Variants in SLCO3A1 observed in about 807,000 individuals in gnomAD.
The protein encoded by SLCO3A1 is solute carrier organic anion transporter family member 3A1, also known as PGE1 transporter.
Under a neutral mutation model 63.1 loss-of-function variants are expected in SLCO3A1, and 27 were observed. The observed-to-expected ratio is 0.43, with a 90% confidence interval of 0.32 to 0.59. The LOEUF (loss-of-function observed/expected upper bound fraction) is 0.59, where lower values mean the gene tolerates loss of function less well. Ranked by LOEUF, SLCO3A1 falls within the 20% of genes least tolerant of loss-of-function variation. SLCO3A1 has a pLI of 0.09. For missense variants in SLCO3A1, 773 were observed against 945.8 expected (o/e 0.82, Z 2.40); for synonymous variants, 473 against 409.9 (o/e 1.15, Z -1.86).
intron 2 of SLCO3A1, among the ~76,000 whole-genome samples, chr15:91,934,477 G>A (rs900819513): frequency 1.8e-4 from 27 of 152,174 alleles, no homozygotes; most frequent in African/African-American, 5.8e-4. Context: ...AGGGAAAAGC[G>A]GGTGCCCCAT....
chr15:91,974,262 A>ATTGTTGTTG lies in SLCO3A1; in HGVS notation c.646+57809_646+57810insGTTGTTGTT, dbSNP rs201243284. Among the ~76,000 whole-genome samples the ATTGTTGTTG allele has an allele frequency of 4.1e-3, 582 of 142,378 alleles. 13 individuals carry two copies. The highest frequency in any genetic ancestry group is 9.3e-3 in the Admixed American group (128 of 13,690). The allele number at this position is 142,378 out of a possible 152,430, so 93.4% of individuals were successfully genotyped here. On this transcript the variant is annotated intron_variant, in intron 2 of 9. Transcript: ENST00000318445. ...GACCTAAACGGACACCATTTTCATT[A>ATTGTTGTTG]TTGTTATTATTATTATTATTATTAT... is the stretch of plus-strand genomic sequence containing the variant.
chr15:92,119,406 A>G (rs1195450066), intron 4 of SLCO3A1, among the ~76,000 whole-genome samples: 4 of 152,374 alleles, frequency 2.6e-5, no homozygotes, highest in East Asian at 1.9e-4. Flanking sequence ...AAAGTGGTGC[A>G]TGAACCTCAG....
At chr15:92,152,734 A>G (rs1439302615) in intron 9 of SLCO3A1, among the ~76,000 whole-genome samples, 1 of 152,228 alleles carries the variant, frequency 6.6e-6, no homozygotes, top group Non-Finnish European at 1.5e-5. Context: ...GCCATTCCAC[A>G]TATGCATTTG....
At chr15:92,000,676 A>G (rs185268993) in intron 2 of SLCO3A1, among the ~76,000 whole-genome samples, 25 of 152,360 alleles carry the variant, frequency 1.6e-4, no homozygotes, top group Admixed American at 1.6e-3. Flanking sequence ...TGTGTTTAAA[A>G]GGCTTCGTTG....
At chr15:92,062,814 T>C (rs2151507684) in intron 2 of SLCO3A1, among the ~76,000 whole-genome samples, 1 of 152,314 alleles carries the variant, frequency 6.6e-6, no homozygotes, top group South Asian at 2.1e-4. Context: ...CATTAAGGCT[T>C]TCCCTGGAAA....
At chr15:92,107,405 A>C (rs2047679277) in intron 4 of SLCO3A1, among the ~76,000 whole-genome samples, 1 of 152,114 alleles carries the variant, frequency 6.6e-6, no homozygotes. Context: ...CATGCGAGAC[A>C]CATGTTTTTG....
At chr15:92,125,443 A>G (rs555647784) in intron 5 of SLCO3A1, among the ~76,000 whole-genome samples, 1 of 152,302 alleles carries the variant, frequency 6.6e-6, no homozygotes, top group South Asian at 2.1e-4. Context: ...GAGAGAAAGG[A>G]AAAAATATAT....
intron 9 of SLCO3A1, among the ~76,000 whole-genome samples, chr15:92,153,210 C>G (rs958338239): frequency 6.6e-6 from 1 of 151,418 alleles, no homozygotes; most frequent in African/African-American, 2.4e-5. Flanking sequence ...TGGCCCAGTA[C>G]GCACATGCCT....
intron 1 of SLCO3A1, among the ~76,000 whole-genome samples, chr15:91,866,893 T>A (rs1421338557): frequency 6.6e-6 from 1 of 152,110 alleles, no homozygotes; most frequent in East Asian, 1.9e-4. Context: ...GAGATGGGCC[T>A]GGGTAGACTG....
chr15:91,955,993 C>G (rs1266405614), intron 2 of SLCO3A1, among the ~76,000 whole-genome samples: 1 of 152,134 alleles, frequency 6.6e-6, no homozygotes, highest in Admixed American at 6.5e-5. Context: ...GCAAAAGCCT[C>G]TTGGGATGTG....
chr15:91,873,330 G>A (rs28624137), intron 1 of SLCO3A1, among the ~76,000 whole-genome samples: 67,289 of 151,916 alleles, frequency 0.44, 16,782 homozygotes, highest in African/African-American at 0.69. Flanking sequence ...CAGTTTCAGT[G>A]TTGTGGGATT....
At chr15:92,140,754 G>C (rs1178823559) in intron 7 of SLCO3A1, among the ~76,000 whole-genome samples, 1 of 152,084 alleles carries the variant, frequency 6.6e-6, no homozygotes, top group Non-Finnish European at 1.5e-5. Flanking sequence ...TGTCTCTTTT[G>C]ATCATTGTTG....
At chr15:92,156,324 C>G (rs2238346) in intron 9 of SLCO3A1, among the ~76,000 whole-genome samples, 3 of 152,108 alleles carry the variant, frequency 2.0e-5, no homozygotes, top group Admixed American at 6.5e-5. Flanking sequence ...ATATGTTAGG[C>G]GCCAGCCATG....
At position 92,104,265 on chromosome 15, in the gene SLCO3A1, C is replaced by T; in HGVS notation, c.746-14C>T. 3.7e-6 allele frequency: 6 copies of T among 1,613,880 alleles called. No individual in the cohort carries two copies. The highest frequency in any genetic ancestry group is 5.1e-6 in the Non-Finnish European group (6 of 1,179,952). ...CTTCTTTTCTCCACTAAGCTGTGCT[C>T]TTTCCATTTACAGGTAACCTGGACA... On this transcript the variant is annotated splice_polypyrimidine_tract_variant and intron_variant, in intron 3 of 9. Coordinates refer to ENST00000318445, the MANE Select transcript of SLCO3A1 (RefSeq NM_013272.4).
At chr15:92,019,219 G>T (rs2046476603) in intron 2 of SLCO3A1, among the ~76,000 whole-genome samples, 1 of 152,154 alleles carries the variant, frequency 6.6e-6, no homozygotes, top group Non-Finnish European at 1.5e-5. Flanking sequence ...CAAACTATCT[G>T]CCTGACTCTT....
At chr15:91,874,804 A>G (rs768456343) in intron 1 of SLCO3A1, among the ~76,000 whole-genome samples, 7 of 152,206 alleles carry the variant, frequency 4.6e-5, no homozygotes, top group Non-Finnish European at 1.0e-4. Context: ...CATCTTCTGT[A>G]ATGTTTCGTA....
At chr15:92,087,325 AT>A (rs2047417688) in intron 2 of SLCO3A1, among the ~76,000 whole-genome samples, 1 of 151,984 alleles carries the variant, frequency 6.6e-6, no homozygotes, top group Non-Finnish European at 1.5e-5. Context: ...TATATTTGTT[AT>A]TTCTTGTGCC....
intron 2 of SLCO3A1, among the ~76,000 whole-genome samples, chr15:92,000,209 T>C (rs941926175): frequency 2.6e-5 from 4 of 152,104 alleles, no homozygotes; most frequent in African/African-American, 9.7e-5. Context: ...TGTATAGATA[T>C]ACAAAACATG....
downstream of SLCO3A1, among the ~76,000 whole-genome samples, chr15:92,170,009 T>C (rs1487376380): frequency 1.3e-5 from 2 of 152,226 alleles, no homozygotes; most frequent in South Asian, 2.1e-4. Flanking sequence ...TAAGATACAA[T>C]TGATTACGTT....
Sources: allele counts gnomAD v4.1 joint callset (sites outside exome capture counted in the v4.1 genomes callset), GRCh38; gene constraint gnomAD v4.1.1; transcripts MANE v1.5; gene names NCBI Gene and HGNC (gene_info 2026-07-23, HGNC 2026-07-21).